AXIN1: variants seen among roughly 807,000 people sequenced by gnomAD.
AXIN1 encodes axin 1.
A neutral mutation model predicts 76.4 loss-of-function variants in AXIN1; 30 were observed. The observed-to-expected ratio is 0.39, with a 90% confidence interval of 0.29 to 0.53. AXIN1 has a LOEUF of 0.53. Among genes scored for constraint, AXIN1 ranks in the 20% least tolerant of loss-of-function variants. The probability of loss-of-function intolerance (pLI) is 0.66; values close to 1 mark genes in which losing one functional copy is unlikely to be tolerated. For missense variants in AXIN1, 1,140 were observed against 1,198.8 expected (o/e 0.95, Z 0.72); for synonymous variants, 545 against 501.4 (o/e 1.09, Z -1.16).
chr16:339,918 C>A (rs894134714), intron 2 of AXIN1, among the ~76,000 whole-genome samples: 5 of 152,180 alleles, frequency 3.3e-5, no homozygotes. Flanking sequence ...TGCAACACAG[C>A]CCCTCTGCAG....
chr16:287,897 T>C lies in AXIN1; in HGVS notation c.*225A>G, dbSNP rs2052427845. 1.5e-6 allele frequency: 1 copy of C among 661,672 alleles called. No homozygotes were observed. The highest frequency in any genetic ancestry group is 2.6e-5 in the Admixed American group (1 of 37,906). 41.0% of individuals were successfully genotyped at this position (661,672 alleles called of 1,614,324 possible). A position where few individuals can be genotyped will look rare whatever the true frequency, so the allele number is the denominator to read the frequency against. On this transcript the variant is annotated 3_prime_UTR_variant, in exon 11 of 11. Coordinates refer to ENST00000262320, the MANE Select transcript of AXIN1 (RefSeq NM_003502.4). ...CACTTGGGCTGGGCCCTCCAAGTAT[T>C]GCTATGAGGAGTGGTCCAGGCTGCC...
intron 8 of AXIN1, chr16:291,507 A>C: frequency 1.6e-6 from 1 of 608,174 alleles, no homozygotes; most frequent in Non-Finnish European, 3.0e-6. Flanking sequence ...CGCGCCCCAC[A>C]TTCATGATCC....
At chr16:305,033 C>T (rs1020950406) in intron 4 of AXIN1, among the ~76,000 whole-genome samples, 3 of 152,182 alleles carry the variant, frequency 2.0e-5, no homozygotes. Context: ...ACACAGCCGG[C>T]GCTCCCCACC....
At chr16:296,121 T>G (rs1229126004) in intron 7 of AXIN1, among the ~76,000 whole-genome samples, 1 of 152,060 alleles carries the variant, frequency 6.6e-6, no homozygotes, top group Non-Finnish European at 1.5e-5. Context: ...CCAGGCAAGG[T>G]GCTGTGCACC....
At chr16:333,802 CGAGGTACCACAGCAT>C (rs957495566) in intron 2 of AXIN1, among the ~76,000 whole-genome samples, 2 of 151,966 alleles carry the variant, frequency 1.3e-5, no homozygotes, top group African/African-American at 4.8e-5. Flanking sequence ...TAACACAGCA[CGAGGTACCACAGCAT>C]GCCAATAACA....
rs1265818108 is a variant in AXIN1, at chr16:293,164, G to C, written c.2186+324C>G. The stretch of plus-strand genomic sequence containing the variant: ...GCTGCCCAGCAGCGAGCAGCCTCTG[G>C]CTGGGGACCGGCGTTCCCCACACAC... On this transcript the variant is annotated intron_variant, in intron 8 of 10. Transcript: ENST00000262320. The surrounding 1 kb of genome is among the most constrained non-coding windows in gnomAD (Gnocchi z 4.6). 6.8e-6 allele frequency: 3 copies of C among 439,414 alleles called. No individual in the cohort carries two copies. Among genetic ancestry groups the C allele is most frequent in the African/African-American group, 3.9e-5 (2 of 50,948 alleles). 27.2% of individuals were successfully genotyped at this position (439,414 alleles called of 1,614,324 possible).
In AXIN1 at chr16:346,881, C is replaced by T. The variant is rs1340983435; in HGVS notation, c.145G>A (p.Gly49Ser). 9.3e-6 allele frequency: 15 copies of T among 1,613,694 alleles called. No individual in the cohort carries two copies. The highest frequency in any genetic ancestry group is 1.2e-5 in the Non-Finnish European group (14 of 1,179,660). ...PASYSFCSGK[G>S]VGIKGETSTA... Reference sequence around the variant, plus strand: ...GAAGTCTCACCTTTAATGCCAACACCTTTCCCGGAGCAGAAACTGTAGCTG... The same window carrying T: ...GAAGTCTCACCTTTAATGCCAACACTTTTCCCGGAGCAGAAACTGTAGCTG... Residue 49 changes from glycine to serine, a missense_variant, in exon 2 of 11, where the codon GGT becomes AGT. By Grantham distance (56) the Gly-to-Ser change is moderately conservative. Coordinates refer to ENST00000262320, the MANE Select transcript of AXIN1 (RefSeq NM_003502.4).
intron 3 of AXIN1, among the ~76,000 whole-genome samples, chr16:311,951 C>A (rs1287159530): frequency 6.6e-6 from 1 of 152,206 alleles, no homozygotes; most frequent in Non-Finnish European, 1.5e-5. Context: ...GCTGTCACAG[C>A]ACCACTGAGT....
chr16:314,555 G>T lies in AXIN1; in HGVS notation c.1007C>A (p.Thr336Lys), dbSNP rs534120185. 3.1e-6 allele frequency: 5 copies of T among 1,613,784 alleles called. No homozygotes were observed. The highest frequency in any genetic ancestry group is 4.2e-6 in the Non-Finnish European group (5 of 1,179,878). Residue 336 changes from threonine (T) to lysine (K), a missense_variant, in exon 3 of 11, where the codon ACG becomes AAG. Thr to Lys is a moderately conservative substitution (Grantham distance 78, BLOSUM62 -1). Around this residue, in one of 3 missense-constraint regions of AXIN1, gnomAD observed 708 missense variants for 776.9 expected, o/e 0.91. Transcript: ENST00000262320. ...GGGCGGGACTTACACGCTGCTGTCC[G>T]TGAGGGACAGGGTGTCTGCATCGCT... ...LSSDADTLSL[T>K]DSSVDGIPPY...
intron 4 of AXIN1, among the ~76,000 whole-genome samples, chr16:306,067 G>A (rs755805604): frequency 6.6e-6 from 1 of 151,978 alleles, no homozygotes; most frequent in African/African-American, 2.4e-5. Context: ...TTCCCCAAGG[G>A]CTCACATTCT....
chr16:293,776 G>A lies in AXIN1; in HGVS notation c.1956-58C>T. 6.5e-7 allele frequency: 1 copy of A among 1,547,148 alleles called. No homozygotes were observed. The highest frequency in any genetic ancestry group is 1.4e-5 in the African/African-American group (1 of 73,640). On this transcript the variant is annotated intron_variant, in intron 7 of 10. Coordinates refer to ENST00000262320, the MANE Select transcript of AXIN1 (RefSeq NM_003502.4). The surrounding 1 kb of genome is among the most constrained non-coding windows in gnomAD (Gnocchi z 4.6). ...GCCGACACCCTGGCCAGGTGGCCTG[G>A]TGGGGCTACACTCATCTCACAAGGG...
At chr16:336,197 T>C (rs980705338) in intron 2 of AXIN1, among the ~76,000 whole-genome samples, 2 of 152,120 alleles carry the variant, frequency 1.3e-5, no homozygotes, top group Non-Finnish European at 1.5e-5. Flanking sequence ...ATGGTGCCAT[T>C]GCACTCCAGC....
chr16:318,200 A>G (rs919509018), intron 2 of AXIN1, among the ~76,000 whole-genome samples: 19 of 152,372 alleles, frequency 1.2e-4, no homozygotes, highest in Non-Finnish European at 2.2e-4. Flanking sequence ...CATGTGTCCA[A>G]TTCCAAATCC....
intron 2 of AXIN1, among the ~76,000 whole-genome samples, chr16:323,606 C>G (rs1044251182): frequency 1.3e-5 from 2 of 151,252 alleles, no homozygotes; most frequent in Non-Finnish European, 2.9e-5. Flanking sequence ...ACAGTGAAAC[C>G]CTGTCTCTAC....
At chr16:303,628 C>A (rs546390546) in intron 5 of AXIN1, among the ~76,000 whole-genome samples, 2 of 152,196 alleles carry the variant, frequency 1.3e-5, no homozygotes, top group South Asian at 4.1e-4. Flanking sequence ...GTGATCCGCC[C>A]GCCTCGGCCT....
At chr16:299,455 C>T (rs2052808501) in intron 5 of AXIN1, among the ~76,000 whole-genome samples, 1 of 151,782 alleles carries the variant, frequency 6.6e-6, no homozygotes, top group Non-Finnish European at 1.5e-5. Flanking sequence ...CGGGCTCAAG[C>T]AATCCTCCTG....
intron 2 of AXIN1, among the ~76,000 whole-genome samples, chr16:325,550 T>A (rs1054877989): frequency 6.6e-6 from 1 of 151,986 alleles, no homozygotes; most frequent in African/African-American, 2.4e-5. Context: ...ACGTCTCGCC[T>A]CCCCCAGTCC....
chr16:333,474 C>T (rs2053736515), intron 2 of AXIN1, among the ~76,000 whole-genome samples: 1 of 149,444 alleles, frequency 6.7e-6, no homozygotes, highest in Non-Finnish European at 1.5e-5. Flanking sequence ...ACCATTTAAA[C>T]TCCAGAATTA....
intron 7 of AXIN1, 124 bp downstream of exon 7, chr16:296,932 G>C: frequency 8.2e-7 from 1 of 1,215,786 alleles, no homozygotes; most frequent in Non-Finnish European, 1.2e-6. Context: ...ACAGTGACAG[G>C]GGAAGTGTGA....
Sources: gnomAD v4.1 joint callset for allele counts (sites outside exome capture counted in the v4.1 genomes callset) on GRCh38, gnomAD v4.1.1 for gene constraint, gnomAD v4.1.1 regional missense constraint, Gnocchi (gnomAD v3.1) non-coding constraint, MANE v1.5 for transcripts, NCBI Gene and HGNC (gene_info 2026-07-23, HGNC 2026-07-21) for gene names.